The following ZHX2 variants were observed in gnomAD, a reference collection of about 807,000 sequenced individuals.
The protein encoded by ZHX2 is zinc fingers and homeoboxes protein 2.
A neutral mutation model predicts 21.9 loss-of-function variants in ZHX2; 6 were observed. That is an observed-to-expected ratio of 0.27 (90% CI 0.15 to 0.54). The LOEUF is 0.54. Ranked by LOEUF, ZHX2 falls within the 20% of genes least tolerant of loss-of-function variation. The pLI, the probability that ZHX2 is intolerant of heterozygous loss-of-function variation, is 0.95. For synonymous variants in ZHX2, 434 were observed against 437.1 expected, an observed-to-expected ratio of 0.99 and a Z score of 0.09; for missense variants, 908 against 1,090.7, an observed-to-expected ratio of 0.83 and a Z score of 2.36.
chr8:122,903,487 C>A (rs116183683), intron 2 of ZHX2, among the ~76,000 whole-genome samples: 1 of 152,122 alleles, frequency 6.6e-6, no homozygotes, highest in African/African-American at 2.4e-5. Flanking sequence ...TATTGGAGAA[C>A]GTGGGCATTG....
Position 122,963,486 on chromosome 8 carries a change from T to C in ZHX2, c.*4+9458T>C, listed in dbSNP as rs560211515. On this transcript the variant is annotated intron_variant, in intron 3 of 3. Coordinates refer to ENST00000314393, the MANE Select transcript of ZHX2 (RefSeq NM_014943.5). ...ATCCTGTTCCATTGGTCTATGTGCC[T>C]GTTTTTATACCAGTACTATGCTGTT... Among the ~76,000 whole-genome samples, 19 of 152,352 alleles carry C rather than the reference T, an allele frequency of 1.2e-4. No individual in the cohort carries two copies. In the South Asian group the frequency reaches 3.5e-3, roughly 28 times the overall value.
At chr8:122,918,635 A>G (rs974105336) in intron 2 of ZHX2, among the ~76,000 whole-genome samples, 8 of 152,200 alleles carry the variant, frequency 5.3e-5, no homozygotes, top group African/African-American at 1.9e-4. Context: ...ATTCATGGGC[A>G]TGGCTGTGTC....
intron 1 of ZHX2, among the ~76,000 whole-genome samples, chr8:122,836,408 G>T (rs995714930): frequency 5.9e-5 from 9 of 152,176 alleles, no homozygotes; most frequent in Admixed American, 5.2e-4. Flanking sequence ...GGAGGGGTAG[G>T]TCCACAGGGG....
At chr8:122,810,057 A>G (rs1204061347) in intron 1 of ZHX2, among the ~76,000 whole-genome samples, 1 of 152,152 alleles carries the variant, frequency 6.6e-6, no homozygotes, top group Admixed American at 6.5e-5. Context: ...AAATATATAT[A>G]TATTTTTAAA....
intron 2 of ZHX2, among the ~76,000 whole-genome samples, chr8:122,895,907 T>G (rs1240049304): frequency 2.0e-5 from 3 of 152,164 alleles, no homozygotes; most frequent in Admixed American, 6.5e-5. Context: ...TATTAAGAGT[T>G]TCAATCAGCT....
At chr8:122,931,594 G>A (rs938474528) in intron 2 of ZHX2, among the ~76,000 whole-genome samples, 4 of 152,202 alleles carry the variant, frequency 2.6e-5, no homozygotes, top group East Asian at 1.9e-4. Context: ...GTGTGTAGCC[G>A]AGGATGTAAG....
intron 2 of ZHX2, among the ~76,000 whole-genome samples, chr8:122,882,340 C>G (rs145829909): frequency 0.028 from 4,196 of 150,374 alleles, 171 homozygotes; most frequent in African/African-American, 0.097. Flanking sequence ...GAGAGAGAGA[C>G]AGCTCTCTTA....
chr8:122,883,613 T>C (rs940358959), intron 2 of ZHX2, among the ~76,000 whole-genome samples: 3 of 108,522 alleles, frequency 2.8e-5, no homozygotes, highest in Non-Finnish European at 5.5e-5. Flanking sequence ...TGTTAGGGAC[T>C]CAACACTGGA....
In ZHX2 at chr8:122,971,381, G is replaced by A. The variant is rs574121434; in HGVS notation, c.*5-1861G>A. ...GTTTACAACTTGGTGACTCTGGCTG[G>A]ATGACTTTTAGGTAGTCCAGATTCT... On this transcript the variant is annotated intron_variant, in intron 3 of 3. Coordinates refer to ENST00000314393, the MANE Select transcript of ZHX2 (RefSeq NM_014943.5). Among the ~76,000 whole-genome samples, 11 of 151,512 alleles carry A rather than the reference G, an allele frequency of 7.3e-5. No homozygotes were observed. The South Asian group carries it at 2.3e-3, about 32-fold the overall frequency.
At chr8:122,886,819 C>T (rs1819851769) in intron 2 of ZHX2, among the ~76,000 whole-genome samples, 2 of 152,148 alleles carry the variant, frequency 1.3e-5, no homozygotes, top group South Asian at 4.1e-4. Context: ...CAGCTGTTCC[C>T]TAATGAGCAC....
chr8:122,962,774 C>T (rs993874525), intron 3 of ZHX2, among the ~76,000 whole-genome samples: 6 of 152,134 alleles, frequency 3.9e-5, no homozygotes, highest in African/African-American at 7.2e-5. Context: ...TTATCACATC[C>T]ATGCCAACAT....
At chr8:122,877,635 C>G (rs940933790) in intron 2 of ZHX2, among the ~76,000 whole-genome samples, 3 of 152,164 alleles carry the variant, frequency 2.0e-5, no homozygotes, top group African/African-American at 7.2e-5. Context: ...ACAAAAAGCA[C>G]ACAAATGGTG....
chr8:122,904,908 A>G (rs12156154), intron 2 of ZHX2, among the ~76,000 whole-genome samples: 2 of 152,230 alleles, frequency 1.3e-5, no homozygotes, highest in African/African-American at 4.8e-5. Context: ...AAATATAAAC[A>G]TGCTTCAAAC....
At chr8:122,883,019 C>T (rs1819751887) in intron 2 of ZHX2, among the ~76,000 whole-genome samples, 1 of 151,962 alleles carries the variant, frequency 6.6e-6, no homozygotes, top group African/African-American at 2.4e-5. Context: ...CACATCACTC[C>T]CAGAGATTGT....
chr8:122,842,739 C>G (rs1227108239), intron 1 of ZHX2, among the ~76,000 whole-genome samples: 11 of 152,146 alleles, frequency 7.2e-5, no homozygotes, highest in Admixed American at 7.2e-4. Context: ...CCGGGGTTCA[C>G]CCCAGAACCT....
intron 1 of ZHX2, among the ~76,000 whole-genome samples, chr8:122,819,601 A>G (rs181632559): frequency 2.6e-5 from 4 of 152,336 alleles, no homozygotes; most frequent in East Asian, 3.9e-4. Context: ...TCCAGGCACT[A>G]TCCAAGAAAC....
At chr8:122,790,066 T>G (rs1817481585) in intron 1 of ZHX2, among the ~76,000 whole-genome samples, 1 of 152,190 alleles carries the variant, frequency 6.6e-6, no homozygotes, top group African/African-American at 2.4e-5. Flanking sequence ...GTGCCTGACT[T>G]TGGCACTTTT....
intron 1 of ZHX2, among the ~76,000 whole-genome samples, chr8:122,831,632 G>T (rs2130675442): frequency 6.6e-6 from 1 of 152,328 alleles, no homozygotes; most frequent in South Asian, 2.1e-4. Context: ...TACCTGATCT[G>T]CTAGCACATT....
intron 3 of ZHX2, among the ~76,000 whole-genome samples, chr8:122,966,523 C>A (rs953842597): frequency 1.3e-5 from 2 of 152,194 alleles, no homozygotes; most frequent in African/African-American, 4.8e-5. Flanking sequence ...GAGAAATCTG[C>A]TGTGAATCTG....
Sources: allele counts gnomAD v4.1 joint callset (sites outside exome capture counted in the v4.1 genomes callset), GRCh38; gene constraint gnomAD v4.1.1; transcripts MANE v1.5; gene names NCBI Gene and HGNC (gene_info 2026-07-23, HGNC 2026-07-21).